The following AHI1 variants were observed in gnomAD, a reference collection of about 807,000 sequenced individuals.
AHI1 encodes Abelson helper integration site 1.
A neutral mutation model predicts 149.3 loss-of-function variants in AHI1; 123 were observed. The observed-to-expected ratio is 0.82, with a 90% CI of 0.71 to 0.96. The LOEUF is 0.96. Ranked by LOEUF, AHI1 falls within the 40% of genes least tolerant of loss-of-function variation. AHI1 has a pLI of 0.00. For missense variants in AHI1, 1,439 were observed against 1,422.7 expected (o/e 1.01, Z -0.18); for synonymous variants, 475 against 459.8 (o/e 1.03, Z -0.42).
intron 22 of AHI1, among the ~76,000 whole-genome samples, chr6:135,400,402 C>T (rs1779860985): frequency 6.6e-6 from 1 of 151,950 alleles, no homozygotes; most frequent in Non-Finnish European, 1.5e-5. Flanking sequence ...CTAAACATAA[C>T]TCAATAAACT....
intron 8 of AHI1, among the ~76,000 whole-genome samples, chr6:135,460,993 A>G (rs1789786657): frequency 6.6e-6 from 1 of 152,164 alleles, no homozygotes; most frequent in Non-Finnish European, 1.5e-5. Flanking sequence ...ACTTTTAGAA[A>G]AATATCTTCA....
intron 24 of AHI1, among the ~76,000 whole-genome samples, chr6:135,355,730 C>G (rs1489234803): frequency 1.3e-5 from 2 of 152,074 alleles, no homozygotes; most frequent in African/African-American, 2.4e-5. Context: ...GAAACCCCAT[C>G]TCTACTAAAA....
chr6:135,386,232 T>C (rs533994525), intron 23 of AHI1, among the ~76,000 whole-genome samples: 3 of 151,366 alleles, frequency 2.0e-5, no homozygotes, highest in South Asian at 2.1e-4. Context: ...TAAACAATTG[T>C]AACAAAACAT....
At chr6:135,335,606 T>C (rs1185327054) in intron 24 of AHI1, among the ~76,000 whole-genome samples, 2 of 152,130 alleles carry the variant, frequency 1.3e-5, no homozygotes, top group Non-Finnish European at 2.9e-5. Context: ...CCAAGGTGCA[T>C]GCAGATATAT....
chr6:135,476,642 A>G (rs925193185), intron 5 of AHI1, among the ~76,000 whole-genome samples: 16 of 152,056 alleles, frequency 1.1e-4, no homozygotes, highest in African/African-American at 3.9e-4. Flanking sequence ...TTTGCTTTGC[A>G]TATTTTGAAG....
intron 5 of AHI1, among the ~76,000 whole-genome samples, chr6:135,474,199 A>G (rs1002923000): frequency 5.9e-5 from 9 of 152,232 alleles, no homozygotes; most frequent in African/African-American, 1.9e-4. Flanking sequence ...TAATCCCATC[A>G]TAAGAACCAC....
intron 13 of AHI1, among the ~76,000 whole-genome samples, chr6:135,443,456 T>C (rs1786649993): frequency 6.6e-6 from 1 of 152,216 alleles, no homozygotes; most frequent in South Asian, 2.1e-4. Context: ...TTACTATATG[T>C]CATGAAAGTT....
intron 23 of AHI1, among the ~76,000 whole-genome samples, chr6:135,392,147 CTTAT>C (rs1353680484): frequency 2.0e-5 from 3 of 152,142 alleles, no homozygotes; most frequent in Admixed American, 2.0e-4. Flanking sequence ...TTGGTGCATA[CTTAT>C]TTGTCTCCCT....
chr6:135,404,528 T>G (rs1780478079), intron 22 of AHI1, among the ~76,000 whole-genome samples: 1 of 152,190 alleles, frequency 6.6e-6, no homozygotes, highest in Non-Finnish European at 1.5e-5. Context: ...GACTTATAAA[T>G]GAAGGAGAGC....
chr6:135,313,913 G>A (rs1785556255), intron 26 of AHI1, among the ~76,000 whole-genome samples: 1 of 152,174 alleles, frequency 6.6e-6, no homozygotes, highest in African/African-American at 2.4e-5. Context: ...AGGTTACCGT[G>A]TTGCAGAGTC....
Position 135,284,039 on chromosome 6 carries a change from G to C in AHI1, c.*1606C>G, listed in dbSNP as rs1562426262. ...AATTATCAAGTGCATTCACAAGACA[G>C]AAAAAAACAAGCTTGTACAAGAGTG... On this transcript the variant is annotated 3_prime_UTR_variant, in exon 29 of 29. Transcript: ENST00000265602. 1 of 152,018 alleles carries C rather than the reference G, an allele frequency of 6.6e-6. No homozygotes were observed. The highest frequency in any genetic ancestry group is 1.9e-4 in the East Asian group (1 of 5,196). The allele number at this position is 152,018 out of a possible 1,614,324, so 9.4% of individuals were successfully genotyped here.
intron 27 of AHI1, among the ~76,000 whole-genome samples, chr6:135,293,392 C>CAAAAAAAAAAAAA (rs1175955601): frequency 1.3e-3 from 26 of 20,070 alleles, no homozygotes; most frequent in African/African-American, 3.3e-3. Context: ...GTTAACAGGG[C>CAAAAAAAAAAAAA]AAAAAAAAAA....
At chr6:135,324,845 ATATT>A (rs1787409650) in intron 24 of AHI1, among the ~76,000 whole-genome samples, 1 of 152,128 alleles carries the variant, frequency 6.6e-6, no homozygotes, top group Non-Finnish European at 1.5e-5. Flanking sequence ...CCATTTAACA[ATATT>A]TATTAACACA....
intron 28 of AHI1, 58 bp from the exon 29 acceptor site, chr6:135,285,705 C>T (rs1429042758): frequency 2.1e-6 from 3 of 1,456,088 alleles, no homozygotes; most frequent in African/African-American, 1.4e-5. Flanking sequence ...CTTCTGACTA[C>T]AACCAAATCT....
chr6:135,484,502 C>T (rs1186228206), intron 5 of AHI1, among the ~76,000 whole-genome samples: 1 of 151,946 alleles, frequency 6.6e-6, no homozygotes, highest in Non-Finnish European at 1.5e-5. Context: ...CTTTTGCTCA[C>T]TTAGCTGTTA....
At chr6:135,362,284 C>CT (rs910112522) in intron 23 of AHI1, among the ~76,000 whole-genome samples, 5 of 151,910 alleles carry the variant, frequency 3.3e-5, no homozygotes, top group South Asian at 2.1e-4. Flanking sequence ...TGTACAGTGA[C>CT]TTTTTTTTCC....
At chr6:135,435,997 G>A (rs1169326259) in intron 15 of AHI1, among the ~76,000 whole-genome samples, 1 of 152,130 alleles carries the variant, frequency 6.6e-6, no homozygotes, top group Non-Finnish European at 1.5e-5. Flanking sequence ...AATTAAAAGA[G>A]GAAAACAAAA....
At chr6:135,300,438 T>A (rs1783722267) in intron 27 of AHI1, 62 bp downstream of exon 27, 5 of 1,427,432 alleles carry the variant, frequency 3.5e-6, no homozygotes, top group Non-Finnish European at 3.7e-6. Flanking sequence ...AATGGAGAAA[T>A]TATCCTTAAA....
intron 23 of AHI1, among the ~76,000 whole-genome samples, chr6:135,373,497 C>T (rs1004918110): frequency 1.9e-4 from 29 of 152,088 alleles, no homozygotes; most frequent in African/African-American, 7.0e-4. Flanking sequence ...TAAACATTTC[C>T]CTAATTTCCC....
Sources: allele counts gnomAD v4.1 joint callset (sites outside exome capture counted in the v4.1 genomes callset), GRCh38; gene constraint gnomAD v4.1.1; transcripts MANE v1.5; gene names NCBI Gene and HGNC (gene_info 2026-07-23, HGNC 2026-07-21).